PCDHGB7: variants seen among roughly 807,000 people sequenced by gnomAD.
PCDHGB7 encodes the protein protocadherin gamma subfamily B, 7.
Under a neutral mutation model 61.4 loss-of-function variants are expected in PCDHGB7, and 37 were observed. That is an observed-to-expected ratio of 0.60 (90% CI 0.46 to 0.79). The LOEUF (loss-of-function observed/expected upper bound fraction) is 0.79. Ranked by LOEUF, PCDHGB7 falls within the 30% of genes least tolerant of loss-of-function variation. The probability of loss-of-function intolerance (pLI) is 0.00; values close to 1 mark genes in which losing one functional copy is unlikely to be tolerated. For synonymous variants in PCDHGB7, 464 were observed against 503.5 expected, an observed-to-expected ratio of 0.92 and a Z score of 1.05; for missense variants, 1,166 against 1,202.5, an observed-to-expected ratio of 0.97 and a Z score of 0.45.
chr5:141,457,386 A>G lies in PCDHGB7; in HGVS notation c.2415+37112A>G, dbSNP rs1303460358. Reference sequence around the variant, plus strand: ...TGCAAAATAATTGCCCAGAACTAGCATATTGATTCACATTTTCACATTACC... The same window carrying G: ...TGCAAAATAATTGCCCAGAACTAGCGTATTGATTCACATTTTCACATTACC... On this transcript the variant is annotated intron_variant, in intron 1 of 3. Transcript: ENST00000398594. Among the ~76,000 whole-genome samples the G allele has an allele frequency of 5.3e-5, 8 of 152,210 alleles. No homozygotes were observed. The East Asian group carries it at 1.3e-3, about 26-fold the overall frequency.
At chr5:141,428,142 C>T in intron 1 of PCDHGB7, 1 of 1,594,260 alleles carries the variant, frequency 6.3e-7, no homozygotes, top group Non-Finnish European at 8.6e-7. Flanking sequence ...CCTGGGGCTG[C>T]ACACGGGAAC....
intron 2 of PCDHGB7, among the ~76,000 whole-genome samples, chr5:141,503,614 A>G (rs1595875970): frequency 6.6e-6 from 1 of 151,640 alleles, no homozygotes; most frequent in South Asian, 2.1e-4. Flanking sequence ...AAAAAAAAAA[A>G]GAAAAAAGAA....
At position 141,491,645 on chromosome 5, in the gene PCDHGB7, C is replaced by T; in HGVS notation, c.2416-3162C>T. On this transcript the variant is annotated intron_variant, in intron 1 of 3. Transcript: ENST00000398594. The surrounding 1 kb of genome is among the most constrained non-coding windows in gnomAD (Gnocchi z 6.9). ...AGCGTTCAGCAGCCCACAGCTCTGG[C>T]GCTGGAGCCTGACGCCATCCGGTCC... 1.2e-6 allele frequency: 2 copies of T among 1,613,890 alleles called. No homozygotes were observed. Among genetic ancestry groups the T allele is most frequent in the African/African-American group, 1.3e-5 (1 of 75,082 alleles).
intron 1 of PCDHGB7, chr5:141,441,746 C>A: frequency 5.4e-6 from 2 of 371,314 alleles, no homozygotes; most frequent in East Asian, 9.8e-5. Flanking sequence ...TCGCGCTCGG[C>A]GTCAACGTGA....
In PCDHGB7 at chr5:141,485,770, T is replaced by A. The variant is rs1199757869; in HGVS notation, c.2416-9037T>A. The A allele has an allele frequency of 6.2e-7, 1 of 1,614,180 alleles. No homozygotes were observed. The highest frequency in any genetic ancestry group is 1.1e-5 in the South Asian group (1 of 91,080). On this transcript the variant is annotated intron_variant, in intron 1 of 3. Transcript: ENST00000398594. This position sits in a 1 kb window ranked among gnomAD's most constrained non-coding sequence, Gnocchi z 5.7. ...TCCCAGAGCTGCTCCTGGAGAAGCC[T>A]TTGGATCGAGAGAAGCAATCGGACT... is the stretch of plus-strand genomic sequence containing the variant.
Position 141,511,303 on chromosome 5 carries a change from C to T in PCDHGB7, c.*130C>T, listed in dbSNP as rs2099883709. 2.7e-6 allele frequency: 4 copies of T among 1,490,160 alleles called. No homozygotes were observed. Among genetic ancestry groups the T allele is most frequent in the Non-Finnish European group, 3.6e-6 (4 of 1,116,196 alleles). 92.3% of individuals were successfully genotyped at this position (1,490,160 alleles called of 1,614,324 possible). ...CTGGTAGGGGCCAAGGCCATGCTCC[C>T]CTTGGGAAACAGAAACAAGTGCCCA... On this transcript the variant is annotated 3_prime_UTR_variant, in exon 4 of 4. Coordinates refer to ENST00000398594, the MANE Select transcript of PCDHGB7 (RefSeq NM_018927.4).
rs994878374 is a variant in PCDHGB7, at chr5:141,491,785, C to T, written c.2416-3022C>T. ...TCCTCATAAGGGATTGAACTTGCAT[C>T]CACTCCTCTCCGGCCGGCTTGGTCG... is the stretch of plus-strand genomic sequence containing the variant. On this transcript the variant is annotated intron_variant, in intron 1 of 3. Transcript: ENST00000398594. The surrounding 1 kb of genome is among the most constrained non-coding windows in gnomAD (Gnocchi z 6.9). 20 of 1,529,458 alleles carry T rather than the reference C, an allele frequency of 1.3e-5. No individual in the cohort carries two copies. Among genetic ancestry groups the T allele is most frequent in the Non-Finnish European group, 1.8e-5 (20 of 1,139,198 alleles). The allele number at this position is 1,529,458 out of a possible 1,614,324, so 94.7% of individuals were successfully genotyped here. A position where few individuals can be genotyped will look rare whatever the true frequency, so the allele number is the denominator to read the frequency against.
rs374229757 is a variant in PCDHGB7, at chr5:141,491,437, C to T, written c.2416-3370C>T. 4 of 1,613,978 alleles carry T rather than the reference C, an allele frequency of 2.5e-6. No homozygotes were observed. Among genetic ancestry groups the T allele is most frequent in the Admixed American group, 3.3e-5 (2 of 60,004 alleles). ...CGGGGGTGGAGGGCAGTGCTGCAGG[C>T]GCCAGGACTCACCCTCCCCGGACTT... On this transcript the variant is annotated intron_variant, in intron 1 of 3. Coordinates refer to ENST00000398594, the MANE Select transcript of PCDHGB7 (RefSeq NM_018927.4). This position sits in a 1 kb window ranked among gnomAD's most constrained non-coding sequence, Gnocchi z 6.9.
rs368927472 is a variant in PCDHGB7 at position 141,490,874 on chromosome 5, A to G, written c.2416-3933A>G. The G allele has an allele frequency of 2.4e-5, 39 of 1,613,830 alleles. No individual in the cohort carries two copies. Among genetic ancestry groups the G allele is most frequent in the Non-Finnish European group, 3.1e-5 (36 of 1,179,960 alleles). ...CGAGACTCCGGCTCTCCCCCATTGCATGCCAACACATCTCTGCATGTGTTT... is the reference window on the plus strand; with the variant it reads ...CGAGACTCCGGCTCTCCCCCATTGCGTGCCAACACATCTCTGCATGTGTTT... On this transcript the variant is annotated intron_variant, in intron 1 of 3. Transcript: ENST00000398594. This position sits in a 1 kb window ranked among gnomAD's most constrained non-coding sequence, Gnocchi z 5.4.
Position 141,431,677 on chromosome 5 carries a change from G to T in PCDHGB7, c.2415+11403G>T. The T allele has an allele frequency of 1.2e-6, 2 of 1,614,236 alleles. No homozygotes were observed. Among genetic ancestry groups the T allele is most frequent in the Non-Finnish European group, 1.7e-6 (2 of 1,180,050 alleles). ...CAGGGACAATATCAACAATAGGGGAGTTGGACCACGAGGAGTCAGGATTCT... is the reference window on the plus strand; with the variant it reads ...CAGGGACAATATCAACAATAGGGGATTTGGACCACGAGGAGTCAGGATTCT... On this transcript the variant is annotated intron_variant, in intron 1 of 3. Coordinates refer to ENST00000398594, the MANE Select transcript of PCDHGB7 (RefSeq NM_018927.4). The surrounding 1 kb of genome is among the most constrained non-coding windows in gnomAD (Gnocchi z 4.8).
Position 141,489,242 on chromosome 5 carries a change from T to C in PCDHGB7, c.2416-5565T>C. ...TCTCCACAAAGGGACTTCTGGGTCA[T>C]GGGGCCCAAGACACTCCCACAGCTC... On this transcript the variant is annotated intron_variant, in intron 1 of 3. Transcript: ENST00000398594. This position sits in a 1 kb window ranked among gnomAD's most constrained non-coding sequence, Gnocchi z 4.5. 6.5e-7 allele frequency: 1 copy of C among 1,534,502 alleles called. No individual in the cohort carries two copies. The highest frequency in any genetic ancestry group is 8.8e-7 in the Non-Finnish European group (1 of 1,141,994).
chr5:141,469,962 C>T (rs943032320), intron 1 of PCDHGB7, among the ~76,000 whole-genome samples: 8 of 152,134 alleles, frequency 5.3e-5, no homozygotes, highest in African/African-American at 1.9e-4. Flanking sequence ...GAAACCCCAT[C>T]TGTACCAAAA....
rs375537017 is a variant in PCDHGB7, at chr5:141,419,439, C to G, written c.1580C>G (p.Thr527Ser). The change falls in exon 1 of 4, where the codon ACC (threonine) becomes AGC (serine). Residue 527 changes from threonine to serine, a missense_variant. Physicochemically the swap from Thr to Ser is moderately conservative, Grantham distance 58 (BLOSUM62 1). Transcript: ENST00000398594. ...GCCTTCGACCACGAGCAGCTGCGCA[C>G]CTTCGAGCTCACGCTGCAGGCCCGC... ...QRAFDHEQLR[T>S]FELTLQARDQ... 1 of 1,613,154 alleles carries G rather than the reference C, an allele frequency of 6.2e-7. No homozygotes were observed. The highest frequency in any genetic ancestry group is 8.5e-7 in the Non-Finnish European group (1 of 1,179,788).
In PCDHGB7 at chr5:141,494,836, C is replaced by G. The variant is rs1016713543; in HGVS notation, c.2445C>G (p.Phe815Leu). ...CCCCGCCCAACACGGACTGGCGTTT[C>G]TCTCAGGCCCAGAGACCCGGCACCA... ...QQAPPNTDWR[F>L]SQAQRPGTSG... The change falls in exon 2 of 4, where the codon TTC (phenylalanine) becomes TTG (leucine). Residue 815 changes from phenylalanine (F) to leucine (L), a missense_variant. Phe to Leu is a conservative substitution (Grantham distance 22, BLOSUM62 0). Coordinates refer to ENST00000398594, the MANE Select transcript of PCDHGB7 (RefSeq NM_018927.4). 1.9e-6 allele frequency: 3 copies of G among 1,614,054 alleles called. No individual in the cohort carries two copies. The highest frequency in any genetic ancestry group is 2.7e-5 in the African/African-American group (2 of 74,932).
Position 141,476,682 on chromosome 5 carries a change from A to G in PCDHGB7, c.2416-18125A>G, listed in dbSNP as rs987205396. The G allele has an allele frequency of 6.2e-7, 1 of 1,614,072 alleles. No individual in the cohort carries two copies. Among genetic ancestry groups the G allele is most frequent in the African/African-American group, 1.3e-5 (1 of 74,934 alleles). ...GCGCTTCGCGTGCAGACGCGGGAGG[A>G]CAGCACCAAGTACGCGGAGCTGGTG... On this transcript the variant is annotated intron_variant, in intron 1 of 3. Coordinates refer to ENST00000398594, the MANE Select transcript of PCDHGB7 (RefSeq NM_018927.4). The surrounding 1 kb of genome is among the most constrained non-coding windows in gnomAD (Gnocchi z 7.6).
At chr5:141,453,430 C>A (rs1043851647) in intron 1 of PCDHGB7, among the ~76,000 whole-genome samples, 1 of 152,018 alleles carries the variant, frequency 6.6e-6, no homozygotes, top group Non-Finnish European at 1.5e-5. Flanking sequence ...CCACACCTAG[C>A]CTAGTATTCT....
At chr5:141,455,430 G>C (rs190218223) in intron 1 of PCDHGB7, among the ~76,000 whole-genome samples, 1 of 152,274 alleles carries the variant, frequency 6.6e-6, no homozygotes, top group Admixed American at 6.5e-5. Flanking sequence ...CTCCAAAAGA[G>C]GAGGTCCCCA....
At chr5:141,445,573 A>G (rs1311326050) in intron 1 of PCDHGB7, among the ~76,000 whole-genome samples, 1 of 152,248 alleles carries the variant, frequency 6.6e-6, no homozygotes, top group Admixed American at 6.5e-5. Flanking sequence ...AGCTTATAGT[A>G]GGGAAGCTTC....
In PCDHGB7 at chr5:141,431,464, G is replaced by C. The variant is rs1413324509; in HGVS notation, c.2415+11190G>C. On this transcript the variant is annotated intron_variant, in intron 1 of 3. Coordinates refer to ENST00000398594, the MANE Select transcript of PCDHGB7 (RefSeq NM_018927.4). This position sits in a 1 kb window ranked among gnomAD's most constrained non-coding sequence, Gnocchi z 4.8. ...GCATCCGCGTGATGGTTCTGGATGCGAACGACAACGCACCAGCGTTTGCTC... is the reference window on the plus strand; with the variant it reads ...GCATCCGCGTGATGGTTCTGGATGCCAACGACAACGCACCAGCGTTTGCTC... The C allele has an allele frequency of 6.2e-7, 1 of 1,613,664 alleles. No individual in the cohort carries two copies. Among genetic ancestry groups the C allele is most frequent in the African/African-American group, 1.3e-5 (1 of 74,950 alleles).
Sources: gnomAD v4.1 joint callset for allele counts (sites outside exome capture counted in the v4.1 genomes callset) on GRCh38, gnomAD v4.1.1 for gene constraint, Gnocchi (gnomAD v3.1) non-coding constraint, MANE v1.5 for transcripts, NCBI Gene and HGNC (gene_info 2026-07-23, HGNC 2026-07-21) for gene names.